Variants in WIPF3 observed in about 807,000 individuals in gnomAD.
WIPF3 encodes the protein WAS/WASL interacting protein family member 3, also known as WAS/WASL-interacting protein family member 3.
Under a neutral mutation model 38.9 loss-of-function variants are expected in WIPF3, and 33 were observed. That is an observed-to-expected ratio of 0.85 (90% confidence interval 0.64 to 1.14). WIPF3 has a LOEUF of 1.14. WIPF3 is among the 50% of genes most tolerant of loss of function. The pLI, the probability that WIPF3 is intolerant of heterozygous loss-of-function variation, is 0.00. For missense variants in WIPF3, 711 were observed against 652.5 expected (o/e 1.09, Z -0.98); for synonymous variants, 324 against 269.3 (o/e 1.20, Z -1.99).
rs1193392140 is a variant in WIPF3, at chr7:29,888,220, A to G, written c.1249+3A>G. The G allele has an allele frequency of 3.1e-6, 5 of 1,605,572 alleles. No homozygotes were observed. The highest frequency in any genetic ancestry group is 4.3e-6 in the Non-Finnish European group (5 of 1,176,072). Reference sequence around the variant, plus strand: ...AAATGGAAGCCTGCACATCATTGGTAAGTGGGTTGCACCCTCTGCCGGTTT... The same window carrying G: ...AAATGGAAGCCTGCACATCATTGGTGAGTGGGTTGCACCCTCTGCCGGTTT... On this transcript the variant is annotated splice_donor_region_variant and intron_variant, in intron 6 of 8. Coordinates refer to ENST00000242140, the MANE Select transcript of WIPF3 (RefSeq NM_001080529.3).
intron 1 of WIPF3, among the ~76,000 whole-genome samples, chr7:29,817,573 A>T (rs184715930): frequency 7.0e-4 from 107 of 152,124 alleles, no homozygotes; most frequent in Non-Finnish European, 1.1e-3. Flanking sequence ...TTACTACCCA[A>T]TTTACTCAAT....
intron 7 of WIPF3, among the ~76,000 whole-genome samples, chr7:29,892,687 G>A (rs1176800397): frequency 2.0e-5 from 3 of 152,248 alleles, no homozygotes; most frequent in Non-Finnish European, 4.4e-5. Context: ...CCCAGGGCCA[G>A]TTCCATTTGG....
chr7:29,846,401 T>A (rs1215450509), intron 2 of WIPF3, among the ~76,000 whole-genome samples: 2 of 152,048 alleles, frequency 1.3e-5, no homozygotes, highest in Non-Finnish European at 2.9e-5. Flanking sequence ...CCACATAGAG[T>A]ATTTAAAACA....
chr7:29,890,857 G>GCA (rs1785997301), intron 7 of WIPF3, among the ~76,000 whole-genome samples: 1 of 137,300 alleles, frequency 7.3e-6, no homozygotes, highest in African/African-American at 2.8e-5. Context: ...GAGGGGATGT[G>GCA]GGCCTGCCCT....
At chr7:29,872,414 A>T (rs963748939) in intron 2 of WIPF3, among the ~76,000 whole-genome samples, 1 of 152,170 alleles carries the variant, frequency 6.6e-6, no homozygotes, top group Non-Finnish European at 1.5e-5. Flanking sequence ...TTAAGTCTAA[A>T]TATACTGTAT....
At position 29,910,912 on chromosome 7, in the gene WIPF3, C is replaced by T. The variant is rs189619028; in HGVS notation, c.1429-3581C>T. On this transcript the variant is annotated intron_variant, in intron 8 of 8. Coordinates refer to ENST00000242140, the MANE Select transcript of WIPF3 (RefSeq NM_001080529.3). ...ATTCAACATAGTACTGGAAGTCTAT[C>T]CAGAGCAAAGTTGGGCAAGAAAAAG... is the stretch of plus-strand genomic sequence containing the variant. Among the ~76,000 whole-genome samples the T allele has an allele frequency of 2.0e-5, 3 of 152,056 alleles. No homozygotes were observed. In the East Asian group the frequency reaches 5.8e-4, roughly 29 times the overall value.
At chr7:29,907,420 C>T (rs10277222) in intron 8 of WIPF3, among the ~76,000 whole-genome samples, 4,852 of 152,268 alleles carry the variant, frequency 0.032, 98 homozygotes, top group Middle Eastern at 0.1. Context: ...ATCTAAGCTA[C>T]TATAAAATCA....
At chr7:29,904,469 C>A in intron 8 of WIPF3, 107 bp downstream of exon 8, 2 of 1,143,704 alleles carry the variant, frequency 1.7e-6, no homozygotes, top group Non-Finnish European at 2.6e-6. Flanking sequence ...TTTTTCCTCA[C>A]ACTCCTTTTC....
chr7:29,821,945 T>A (rs901246883), intron 1 of WIPF3, among the ~76,000 whole-genome samples: 1 of 152,086 alleles, frequency 6.6e-6, no homozygotes, highest in African/African-American at 2.4e-5. Flanking sequence ...ATTCTCAGAG[T>A]CCTTATCTCT....
intron 1 of WIPF3, 127 bp downstream of exon 1, chr7:29,806,805 G>A (rs1434448222): frequency 6.6e-6 from 1 of 151,586 alleles, no homozygotes. Flanking sequence ...CTGAGGGCGT[G>A]GGAGGGCCGG....
chr7:29,842,400 G>A (rs902621916), intron 2 of WIPF3, among the ~76,000 whole-genome samples: 20 of 152,302 alleles, frequency 1.3e-4, no homozygotes, highest in African/African-American at 4.6e-4. Flanking sequence ...CTGCCTGCCC[G>A]TTCCGGGAGT....
intron 2 of WIPF3, among the ~76,000 whole-genome samples, chr7:29,845,779 G>C (rs1255034117): frequency 6.6e-6 from 1 of 152,254 alleles, no homozygotes; most frequent in Non-Finnish European, 1.5e-5. Context: ...TCTGAAGACA[G>C]AGAGTCTGTG....
In WIPF3 at chr7:29,844,072, A is replaced by G. The variant is rs549791587; in HGVS notation, c.90+9258A>G. On this transcript the variant is annotated intron_variant, in intron 2 of 8. Coordinates refer to ENST00000242140, the MANE Select transcript of WIPF3 (RefSeq NM_001080529.3). The surrounding 1 kb of genome is among the most constrained non-coding windows in gnomAD (Gnocchi z 4.8). The stretch of plus-strand genomic sequence containing the variant: ...GGTAACATGAAGTGAGAAAAACAGG[A>G]TACATGTAGACAGTGTAGTCCCAAT... 8.5e-5 allele frequency among the ~76,000 whole-genome samples: 13 copies of G among 152,292 alleles called. No individual in the cohort carries two copies.
chr7:29,855,998 T>TA (rs780067517), intron 2 of WIPF3, among the ~76,000 whole-genome samples: 1 of 152,234 alleles, frequency 6.6e-6, no homozygotes, highest in Non-Finnish European at 1.5e-5. Context: ...CTGGTAACCC[T>TA]ATGTCTCTCA....
At chr7:29,876,038 G>T in intron 3 of WIPF3, 76 bp downstream of exon 3, 1 of 1,565,404 alleles carries the variant, frequency 6.4e-7, no homozygotes, top group South Asian at 1.2e-5. Flanking sequence ...AGACACCCCT[G>T]GCTGGGGCCA....
At position 29,884,358 on chromosome 7, in the gene WIPF3, G is replaced by GCCCCCCCCCCCCCCCCCCCCC; in HGVS notation, c.866_867insCCCCCCCCCCCCCCCCCCCCC (p.Pro290_Ala291insProProProProProProPro). On this transcript the variant is annotated inframe_insertion, in exon 5 of 9. Transcript: ENST00000242140. ...CCAGCCCTGCGCAAGATGCGCAGGA[G>GCCCCCCCCCCCCCCCCCCCCC]CCTCCCGCCCCGCCGCCCCCGCTCC... 1 of 1,501,642 alleles carries GCCCCCCCCCCCCCCCCCCCCC rather than the reference G, an allele frequency of 6.7e-7. No homozygotes were observed. The highest frequency in any genetic ancestry group is 8.9e-7 in the Non-Finnish European group (1 of 1,122,632). The allele number at this position is 1,501,642 out of a possible 1,614,324, so 93.0% of individuals were successfully genotyped here. A position where few individuals can be genotyped will look rare whatever the true frequency, so the allele number is the denominator to read the frequency against.
At chr7:29,893,349 A>C (rs1786066976) in intron 7 of WIPF3, among the ~76,000 whole-genome samples, 1 of 152,162 alleles carries the variant, frequency 6.6e-6, no homozygotes, top group African/African-American at 2.4e-5. Flanking sequence ...CAGGGTATAC[A>C]GGTCTGGGGC....
At chr7:29,847,569 A>G (rs544393996) in intron 2 of WIPF3, among the ~76,000 whole-genome samples, 1 of 152,326 alleles carries the variant, frequency 6.6e-6, no homozygotes, top group East Asian at 1.9e-4. Flanking sequence ...AAATATGATT[A>G]GACAAAGAGG....
intron 2 of WIPF3, among the ~76,000 whole-genome samples, chr7:29,856,669 A>G (rs1274122963): frequency 6.6e-6 from 1 of 152,154 alleles, no homozygotes; most frequent in Non-Finnish European, 1.5e-5. Flanking sequence ...CTATCTCTTT[A>G]AAAACAGAAC....
Sources: gnomAD v4.1 joint callset for allele counts (sites outside exome capture counted in the v4.1 genomes callset) on GRCh38, gnomAD v4.1.1 for gene constraint, Gnocchi (gnomAD v3.1) non-coding constraint, MANE v1.5 for transcripts, NCBI Gene and HGNC (gene_info 2026-07-23, HGNC 2026-07-21) for gene names.